Variants in ATP7B observed in about 807,000 individuals in gnomAD.
ATP7B encodes ATPase copper transporting beta, also known as copper-transporting ATPase 2.
A neutral mutation model predicts 118.9 loss-of-function variants in ATP7B; 113 were observed. The ratio of observed to expected loss-of-function variants is 0.95; its 90% confidence interval spans 0.82 to 1.11. The LOEUF (loss-of-function observed/expected upper bound fraction) is 1.11, where lower values mean the gene tolerates loss of function less well. Among genes scored for constraint, ATP7B ranks in the 50% most tolerant of loss-of-function variants. The probability of loss-of-function intolerance (pLI) is 0.00; values close to 1 mark genes in which losing one functional copy is unlikely to be tolerated. For synonymous variants in ATP7B, 777 were observed against 727.4 expected (o/e 1.07, Z -1.10); for missense variants, 1,867 against 1,871.4 (o/e 1.00, Z 0.04).
At chr13:51,978,677 CTG>C (rs1487779716) in intron 1 of ATP7B, 1 of 152,316 alleles carries the variant, frequency 6.6e-6, no homozygotes, top group South Asian at 2.1e-4. Flanking sequence ...TGATGTGACT[CTG>C]TATGTAATGA....
In ATP7B at chr13:51,935,956, C is replaced by G. The variant is rs553415584; in HGVS notation, c.4022-261G>C. Among the ~76,000 whole-genome samples the G allele has an allele frequency of 3.9e-5, 6 of 152,346 alleles. No homozygotes were observed. In the East Asian group the frequency reaches 1.2e-3, roughly 29 times the overall value. Reference sequence around the variant, plus strand: ...TCCCAGAACCACCCACAGGTGGCATCCCATTTCAGGGCGAGCTCCAGGGCA... The same window carrying G: ...TCCCAGAACCACCCACAGGTGGCATGCCATTTCAGGGCGAGCTCCAGGGCA... On this transcript the variant is annotated intron_variant, in intron 19 of 20. Coordinates refer to ENST00000242839, the MANE Select transcript of ATP7B (RefSeq NM_000053.4).
rs1299450746 is a variant in ATP7B, at chr13:51,968,534, G to A, written c.1617C>T (p.Pro539=). 1 of 1,613,982 alleles carries A rather than the reference G, an allele frequency of 6.2e-7. No individual in the cohort carries two copies. Among genetic ancestry groups the A allele is most frequent in the African/African-American group, 1.3e-5 (1 of 74,892 alleles). Residue 539 remains proline, a synonymous_variant, in exon 4 of 21, where the codon CCC becomes CCT. Coordinates refer to ENST00000242839, the MANE Select transcript of ATP7B (RefSeq NM_000053.4). ...EIKYDPEVIQ[P]LEIAQFIQDL... ...CCTGGATGAACTGAGCTATCTCGAG[G>A]GGCTGGATGACCTCTGGGTCATACT...
intron 2 of ATP7B, among the ~76,000 whole-genome samples, chr13:51,971,777 A>AG (rs1466405444): frequency 6.6e-6 from 1 of 152,246 alleles, no homozygotes; most frequent in Admixed American, 6.5e-5. Context: ...CTGTGGGCAC[A>AG]GAGGGGAGGC....
chr13:51,964,895 G>A lies in ATP7B; in HGVS notation c.1846C>T (p.Arg616Trp), dbSNP rs374172791. The A allele has an allele frequency of 1.7e-5, 27 of 1,613,960 alleles. No individual in the cohort carries two copies. Among genetic ancestry groups the A allele is most frequent in the South Asian group, 2.2e-5 (2 of 91,070 alleles). Reference protein sequence around the residue: ...VKFDPEIIGPRDIIKIIEEIG... With the variant: ...VKFDPEIIGPWDIIKIIEEIG... ...ACCTCAATAATTTTGATAATATCCC[G>A]TGGACCGATAATTTCCGGGTCAAAC... Residue 616 changes from arginine to tryptophan, a missense_variant, in exon 5 of 21, where the codon CGG becomes TGG. By Grantham distance (101) the Arg-to-Trp change is moderately radical (BLOSUM62 -3). Transcript: ENST00000242839.
chr13:52,005,833 C>T (rs1305943300), intron 1 of ATP7B, among the ~76,000 whole-genome samples: 1 of 152,150 alleles, frequency 6.6e-6, no homozygotes, highest in Non-Finnish European at 1.5e-5. Flanking sequence ...GGGAACAGGC[C>T]CCCCAAAATC....
chr13:51,964,108 AACACAC>A (rs17334263), intron 5 of ATP7B, among the ~76,000 whole-genome samples: 9 of 145,746 alleles, frequency 6.2e-5, no homozygotes, highest in Admixed American at 1.4e-4. Context: ...TCTCTCTTTA[AACACAC>A]ACACACACAC....
intron 7 of ATP7B, chr13:51,959,387 T>C (rs937659622): frequency 2.0e-5 from 3 of 152,342 alleles, no homozygotes; most frequent in Non-Finnish European, 4.4e-5. Flanking sequence ...CAGGCGCTTG[T>C]GGTCCTAGCT....
chr13:51,950,087 GCA>G lies in ATP7B; in HGVS notation c.2648_2649del (p.Val883AlafsTer3), dbSNP rs1957901268. 1 of 1,614,192 alleles carries G rather than the reference GCA, an allele frequency of 6.2e-7. No homozygotes were observed. The highest frequency in any genetic ancestry group is 2.2e-5 in the East Asian group (1 of 44,890). ...IAGSINAHGS[V>X]LIKATHVGND... ...TTGCCCACGTGGGTAGCTTTAATGA[GCA>G]CAGAGCCATGTGCATTTATAGACCC... On this transcript the variant is annotated frameshift_variant, in exon 11 of 21. Coordinates refer to ENST00000242839, the MANE Select transcript of ATP7B (RefSeq NM_000053.4). LOFTEE classifies it high-confidence loss of function.
At chr13:51,992,542 C>T (rs1485830074) in intron 1 of ATP7B, among the ~76,000 whole-genome samples, 1 of 152,210 alleles carries the variant, frequency 6.6e-6, no homozygotes, top group East Asian at 1.9e-4. Flanking sequence ...TGATTTATAA[C>T]AGACTTTGAG....
intron 12 of ATP7B, 83 bp from the exon 13 acceptor site, chr13:51,946,561 G>T: frequency 6.6e-7 from 1 of 1,510,170 alleles, no homozygotes; most frequent in Non-Finnish European, 9.1e-7. Context: ...GACATTTCAG[G>T]GGGGCACTGG....
At chr13:51,941,010 A>AC in intron 16 of ATP7B, 71 bp downstream of exon 16, 1 of 1,595,142 alleles carries the variant, frequency 6.3e-7, no homozygotes, top group Non-Finnish European at 8.6e-7. Flanking sequence ...ATAAAGGAGG[A>AC]CTCTTTTGCC....
chr13:51,964,415 G>A (rs922333769), intron 5 of ATP7B, among the ~76,000 whole-genome samples: 1 of 152,140 alleles, frequency 6.6e-6, no homozygotes, highest in Admixed American at 6.5e-5. Flanking sequence ...AAATTCTCAC[G>A]GATTTTCCAA....
intron 9 of ATP7B, among the ~76,000 whole-genome samples, chr13:51,956,888 A>G (rs1958382564): frequency 6.6e-6 from 1 of 152,182 alleles, no homozygotes; most frequent in Non-Finnish European, 1.5e-5. Context: ...TTACATCCCA[A>G]TTCCATTACT....
intron 6 of ATP7B, among the ~76,000 whole-genome samples, chr13:51,961,334 T>G (rs1328506714): frequency 6.6e-6 from 1 of 151,816 alleles, no homozygotes; most frequent in Admixed American, 6.6e-5. Context: ...AATGAGTAAC[T>G]GGCCATCTGA....
rs59959366 is a variant in ATP7B, at chr13:51,944,239, C to G, written c.3113G>C (p.Arg1038Thr). ...CCCCAGCAGGAGCACCCGCATGACC[C>G]TGGGGACGCCATGGGTAATGGTGCC... ...KTGTITHGVP[R>T]VMRVLLLGDV... The change falls in exon 14 of 21, where the codon AGG becomes ACG. Residue 1038 changes from arginine to threonine, a missense_variant. Transcript: ENST00000242839. The G allele has an allele frequency of 1.9e-6, 3 of 1,614,096 alleles. No individual in the cohort carries two copies. The highest frequency in any genetic ancestry group is 3.3e-4 in the Middle Eastern group (2 of 6,062).
At chr13:51,941,863 C>A (rs1187294142) in intron 15 of ATP7B, among the ~76,000 whole-genome samples, 1 of 152,164 alleles carries the variant, frequency 6.6e-6, no homozygotes, top group African/African-American at 2.4e-5. Flanking sequence ...AGGAAAAACA[C>A]TAGTCACAGA....
At chr13:51,962,882 A>C (rs1958841725) in intron 5 of ATP7B, among the ~76,000 whole-genome samples, 1 of 152,132 alleles carries the variant, frequency 6.6e-6, no homozygotes. Flanking sequence ...ACCTGAGGTC[A>C]GGAGTTCGAG....
In ATP7B at chr13:51,937,334, T is replaced by C; in HGVS notation, c.3963A>G (p.Ile1321Met). The change falls in exon 19 of 21, where the codon ATA becomes ATG. Residue 1321 changes from isoleucine (I) to methionine (M), a missense_variant. Ile to Met is a conservative substitution (Grantham distance 10). Coordinates refer to ENST00000242839, the MANE Select transcript of ATP7B (RefSeq NM_000053.4). Reference protein sequence around the residue: ...IHLSKRTVRRIRINLVLALIY... With the variant: ...IHLSKRTVRRMRINLVLALIY... ...TCAGTGCCAGGACCAGGTTGATGCGTATCCTTCGGACAGTCCTCTTGGAAA... is the reference window on the plus strand; with the variant it reads ...TCAGTGCCAGGACCAGGTTGATGCGCATCCTTCGGACAGTCCTCTTGGAAA... 5.0e-6 allele frequency: 8 copies of C among 1,614,210 alleles called. No homozygotes were observed. The highest frequency in any genetic ancestry group is 6.8e-6 in the Non-Finnish European group (8 of 1,180,040).
intron 5 of ATP7B, among the ~76,000 whole-genome samples, chr13:51,964,435 G>A (rs773317011): frequency 3.3e-5 from 5 of 152,138 alleles, no homozygotes; most frequent in South Asian, 2.1e-4. Flanking sequence ...AAGCAGAAGC[G>A]GCCAAGCTCT....
Sources: gnomAD v4.1 joint callset for allele counts (sites outside exome capture counted in the v4.1 genomes callset) on GRCh38, gnomAD v4.1.1 for gene constraint, MANE v1.5 for transcripts, NCBI Gene and HGNC (gene_info 2026-07-23, HGNC 2026-07-21) for gene names.